Variants in ATAT1 observed in about 807,000 individuals in gnomAD.
ATAT1 encodes the protein alpha-tubulin N-acetyltransferase 1.
In ATAT1, 42 loss-of-function variants were observed where a neutral mutation model predicts 57.2. That is an observed-to-expected ratio of 0.73 (90% CI 0.57 to 0.95). The LOEUF (loss-of-function observed/expected upper bound fraction) is 0.95. Among genes scored for constraint, ATAT1 ranks in the 40% least tolerant of loss-of-function variants. The pLI is 0.00. For missense variants in ATAT1, 454 were observed against 523.7 expected, an observed-to-expected ratio of 0.87 and a Z score of 1.30; for synonymous variants, 168 against 187.1, an observed-to-expected ratio of 0.90 and a Z score of 0.83.
At chr6:30,642,736 TCTG>T in intron 9 of ATAT1, 29 bp from the exon 10 acceptor site, 1 of 1,399,016 alleles carries the variant, frequency 7.1e-7, no homozygotes, top group Admixed American at 1.7e-5. Context: ...TTCTTCTTTT[TCTG>T]TCTTGCTCTT....
At chr6:30,643,549 A>G (rs1282137007) in intron 10 of ATAT1, 1 of 1,549,774 alleles carries the variant, frequency 6.5e-7, no homozygotes, top group East Asian at 2.4e-5. Flanking sequence ...CGCTCTGAGG[A>G]GAGTCGATAC....
Position 30,642,190 on chromosome 6 carries a change from C to G in ATAT1, c.631C>G (p.Leu211Val), listed in dbSNP as rs770285541. The G allele has an allele frequency of 6.2e-7, 1 of 1,614,100 alleles. No homozygotes were observed. The highest frequency in any genetic ancestry group is 1.7e-5 in the Admixed American group (1 of 60,014). The change falls in exon 9 of 13, where the codon CTG (leucine) becomes GTG (valine). Residue 211 changes from leucine to valine, a missense_variant. Around this residue, in one of 3 missense-constraint regions of ATAT1, gnomAD observed 236 missense variants for 284.5 expected, o/e 0.83. Coordinates refer to ENST00000330083, the MANE Select transcript of ATAT1 (RefSeq NM_001031722.4). The stretch of plus-strand genomic sequence containing the variant: ...TCCACTGCCAGCTCCAGCAAGGAAG[C>G]TGCCACCCAAGAGAGCAGAGGGAGA...
chr6:30,642,837 A>ACCCCCCCCCCCCCCC lies in ATAT1; in HGVS notation c.761_762insCCCCCCCCCCCCCCC (p.Pro256_Arg257insProProProProPro). ...CCTCGCCGCGCCACACCTCCAGCCC[A>ACCCCCCCCCCCCCCC]CCCACCCCCCCGCTCCAGCAGCCTG... is the stretch of plus-strand genomic sequence containing the variant. On this transcript the variant is annotated inframe_insertion, in exon 10 of 13. Coordinates refer to ENST00000330083, the MANE Select transcript of ATAT1 (RefSeq NM_001031722.4). The ACCCCCCCCCCCCCCC allele has an allele frequency of 6.2e-6, 2 of 320,346 alleles. No individual in the cohort carries two copies. The highest frequency in any genetic ancestry group is 3.2e-5 in the South Asian group (1 of 31,600). The allele number at this position is 320,346 out of a possible 1,614,324, so 19.8% of individuals were successfully genotyped here.
chr6:30,644,274 A>C, intron 10 of ATAT1: 2 of 985,800 alleles, frequency 2.0e-6, no homozygotes, highest in Non-Finnish European at 2.4e-6. Flanking sequence ...TTGTTTCTTG[A>C]GAGTAGATCC....
At position 30,642,833 on chromosome 6, in the gene ATAT1, G is replaced by GGGGGGCGCCCC; in HGVS notation, c.754_755insGGGGGCGCCCC (p.Ala252GlyfsTer71). 2.0e-6 allele frequency: 3 copies of GGGGGGCGCCCC among 1,537,864 alleles called. No homozygotes were observed. The highest frequency in any genetic ancestry group is 2.6e-6 in the Non-Finnish European group (3 of 1,145,774). On this transcript the variant is annotated frameshift_variant, in exon 10 of 13. Transcript: ENST00000330083. LOFTEE classifies it high-confidence loss of function. ...GGCCCCTCGCCGCGCCACACCTCCA[G>GGGGGGCGCCCC]CCCACCCACCCCCCCGCTCCAGCAG...
intron 6 of ATAT1, 25 bp downstream of exon 6, chr6:30,628,455 C>T: frequency 2.6e-6 from 4 of 1,539,664 alleles, no homozygotes; most frequent in Non-Finnish European, 3.6e-6. Context: ...AGAATAGATC[C>T]CCACTGAGCA....
chr6:30,627,095 G>T lies in ATAT1; in HGVS notation c.-109G>T. Reference sequence around the variant, plus strand: ...TCACTGACTAGTGATCGCCCCTTTTGATGTCCAGGCCTGCCTTTTTGGTGA... The same window carrying T: ...TCACTGACTAGTGATCGCCCCTTTTTATGTCCAGGCCTGCCTTTTTGGTGA... On this transcript the variant is annotated 5_prime_UTR_variant, in exon 1 of 13. Transcript: ENST00000330083. 1.3e-6 allele frequency: 2 copies of T among 1,562,528 alleles called. No individual in the cohort carries two copies. Among genetic ancestry groups the T allele is most frequent in the Non-Finnish European group, 1.7e-6 (2 of 1,151,376 alleles).
Position 30,642,833 on chromosome 6 carries a change from G to GGCCACCCCCCCCCCC in ATAT1, c.754_755insGCCACCCCCCCCCCC (p.Ala252delinsGlyHisProProProPro). On this transcript the variant is annotated protein_altering_variant, in exon 10 of 13. Coordinates refer to ENST00000330083, the MANE Select transcript of ATAT1 (RefSeq NM_001031722.4). ...GGCCCCTCGCCGCGCCACACCTCCA[G>GGCCACCCCCCCCCCC]CCCACCCACCCCCCCGCTCCAGCAG... 1 of 1,537,878 alleles carries GGCCACCCCCCCCCCC rather than the reference G, an allele frequency of 6.5e-7. No individual in the cohort carries two copies. Among genetic ancestry groups the GGCCACCCCCCCCCCC allele is most frequent in the Non-Finnish European group, 8.7e-7 (1 of 1,145,784 alleles).
intron 10 of ATAT1, chr6:30,643,770 C>T: frequency 7.3e-7 from 1 of 1,375,782 alleles, no homozygotes; most frequent in African/African-American, 1.4e-5. Context: ...ACAAAAGCAC[C>T]CCTTCTCTCC....
chr6:30,628,537 T>C (rs1453421969), intron 6 of ATAT1, 107 bp downstream of exon 6: 1 of 877,314 alleles, frequency 1.1e-6, no homozygotes, highest in East Asian at 2.7e-5. Flanking sequence ...GGTTTCATTT[T>C]CTACAACCAG....
At chr6:30,630,874 G>T (rs1349253689) in intron 6 of ATAT1, among the ~76,000 whole-genome samples, 1 of 151,510 alleles carries the variant, frequency 6.6e-6, no homozygotes, top group Admixed American at 6.6e-5. Context: ...GGAGGCAGAG[G>T]TTACAGTGAG....
Position 30,642,834 on chromosome 6 carries a change from C to CCCCCCCCCCCCCCCCCCCCCCCCG in ATAT1, c.757_758insCCCCCCCCCCCCCCCCCCCCCGCC (p.Ala252_His253insProProProProProProProArg). The CCCCCCCCCCCCCCCCCCCCCCCCG allele has an allele frequency of 2.4e-6, 1 of 415,884 alleles. No homozygotes were observed. The highest frequency in any genetic ancestry group is 4.0e-6 in the Non-Finnish European group (1 of 251,604). 25.8% of individuals were successfully genotyped at this position (415,884 alleles called of 1,614,324 possible). On this transcript the variant is annotated inframe_insertion, in exon 10 of 13. Coordinates refer to ENST00000330083, the MANE Select transcript of ATAT1 (RefSeq NM_001031722.4). ...GCCCCTCGCCGCGCCACACCTCCAGCCCACCCACCCCCCCGCTCCAGCAGC... is the reference window on the plus strand; with the variant it reads ...GCCCCTCGCCGCGCCACACCTCCAGCCCCCCCCCCCCCCCCCCCCCCCCGCCACCCACCCCCCCGCTCCAGCAGC...
At chr6:30,644,679 AG>A (rs1766305401) in intron 10 of ATAT1, 1 of 962,072 alleles carries the variant, frequency 1.0e-6, no homozygotes, top group African/African-American at 1.8e-5. Flanking sequence ...CAAAAAAAAA[AG>A]TTGTCAGCCT....
rs1582737344 is a variant in ATAT1 at position 30,627,787 on chromosome 6, C to T, written c.224+60C>T. 1.9e-6 allele frequency: 3 copies of T among 1,604,902 alleles called. No homozygotes were observed. The East Asian group carries it at 6.7e-5, about 36-fold the overall frequency. On this transcript the variant is annotated intron_variant, in intron 3 of 12. Transcript: ENST00000330083. Reference sequence around the variant, plus strand: ...TTCCTTCCTTCCTCAGCCCTTCCCCCATCTTTGACTATCTCTTGCAGATAG... The same window carrying T: ...TTCCTTCCTTCCTCAGCCCTTCCCCTATCTTTGACTATCTCTTGCAGATAG...
rs951809117 is a variant in ATAT1, at chr6:30,632,293, C to T, written c.501+3863C>T. Among the ~76,000 whole-genome samples, 155 of 142,134 alleles carry T rather than the reference C, an allele frequency of 1.1e-3. 1 individual carries two copies. The highest frequency in any genetic ancestry group is 1.7e-3 in the Non-Finnish European group (113 of 66,006). 93.2% of individuals were successfully genotyped at this position (142,134 alleles called of 152,430 possible). On this transcript the variant is annotated intron_variant, in intron 6 of 12. Coordinates refer to ENST00000330083, the MANE Select transcript of ATAT1 (RefSeq NM_001031722.4). ...TAAAAAAAAAAAAAAAAAAAAATAG[C>T]GCCAGGTGTGGTATCTCATTCCTGT...
At position 30,627,592 on chromosome 6, in the gene ATAT1, C is replaced by T. The variant is rs769152611; in HGVS notation, c.133-44C>T. 1.9e-6 allele frequency: 3 copies of T among 1,609,460 alleles called. No homozygotes were observed. In the Admixed American group the frequency reaches 5.0e-5, roughly 27 times the overall value. On this transcript the variant is annotated intron_variant, in intron 2 of 12. Coordinates refer to ENST00000330083, the MANE Select transcript of ATAT1 (RefSeq NM_001031722.4). ...ATGGTATATAAGGGAGGCCTGGGTCCTTCGGAGAGACTTGCAGAAAGTCTG... is the reference window on the plus strand; with the variant it reads ...ATGGTATATAAGGGAGGCCTGGGTCTTTCGGAGAGACTTGCAGAAAGTCTG...
At chr6:30,628,200 C>T (rs1035109190) in intron 5 of ATAT1, 55 bp downstream of exon 5, 16 of 1,558,280 alleles carry the variant, frequency 1.0e-5, no homozygotes, top group Non-Finnish European at 1.4e-5. Flanking sequence ...TTGCCCTGAG[C>T]CCTTCCAGAA....
chr6:30,638,202 T>G (rs1033367613), intron 6 of ATAT1, among the ~76,000 whole-genome samples: 12 of 151,868 alleles, frequency 7.9e-5, no homozygotes, highest in Non-Finnish European at 1.3e-4. Flanking sequence ...TTTAAAAATA[T>G]TTTTGTAGAG....
intron 6 of ATAT1, among the ~76,000 whole-genome samples, chr6:30,634,776 C>T (rs558864197): frequency 2.6e-3 from 387 of 149,122 alleles, no homozygotes; most frequent in Non-Finnish European, 4.0e-3. Flanking sequence ...ATCACGAGGT[C>T]AGAAGATCGA....
Sources: gnomAD v4.1 joint callset for allele counts (sites outside exome capture counted in the v4.1 genomes callset) on GRCh38, gnomAD v4.1.1 for gene constraint, gnomAD v4.1.1 regional missense constraint, MANE v1.5 for transcripts, NCBI Gene and HGNC (gene_info 2026-07-23, HGNC 2026-07-21) for gene names.